Variants in MTUS2 observed in about 807,000 individuals in gnomAD.
The protein encoded by MTUS2 is microtubule associated scaffold protein 2, also known as microtubule-associated tumor suppressor candidate 2.
Under a neutral mutation model 114.1 loss-of-function variants are expected in MTUS2, and 40 were observed. The ratio of observed to expected loss-of-function variants is 0.35; its 90% CI spans 0.27 to 0.46. The LOEUF is 0.46. Ranked by LOEUF, MTUS2 falls within the 20% of genes least tolerant of loss-of-function variation. The pLI is 1.00. For missense variants in MTUS2, 1,679 were observed against 1,705.4 expected, an observed-to-expected ratio of 0.98 and a Z score of 0.27; for synonymous variants, 688 against 672.0, an observed-to-expected ratio of 1.02 and a Z score of -0.37.
intron 5 of MTUS2, among the ~76,000 whole-genome samples, chr13:29,250,836 A>G (rs752973073): frequency 1.3e-5 from 2 of 152,186 alleles, no homozygotes; most frequent in Non-Finnish European, 2.9e-5. Flanking sequence ...GTAAATTTCA[A>G]TTTAACACCA....
chr13:28,865,129 G>A (rs754227762), intron 2 of MTUS2, among the ~76,000 whole-genome samples: 6 of 151,470 alleles, frequency 4.0e-5, no homozygotes, highest in Non-Finnish European at 8.9e-5. Flanking sequence ...ATACACACAC[G>A]TGTGTGTGTC....
intron 5 of MTUS2, among the ~76,000 whole-genome samples, chr13:29,124,804 A>C (rs543073620): frequency 5.3e-5 from 8 of 152,236 alleles, no homozygotes; most frequent in African/African-American, 1.9e-4. Context: ...CCTTGAGTAC[A>C]TTGTGCTGAG....
At chr13:29,054,499 A>T (rs186075146) in intron 4 of MTUS2, among the ~76,000 whole-genome samples, 3 of 152,136 alleles carry the variant, frequency 2.0e-5, no homozygotes, top group Non-Finnish European at 2.9e-5. Flanking sequence ...AAATTAGAAT[A>T]GCAGTTGCCA....
At chr13:28,857,300 G>A (rs1414865814) in intron 2 of MTUS2, among the ~76,000 whole-genome samples, 2 of 152,124 alleles carry the variant, frequency 1.3e-5, no homozygotes, top group East Asian at 1.9e-4. Context: ...CTAGTGATTC[G>A]TCTTTTTAAA....
intron 6 of MTUS2, among the ~76,000 whole-genome samples, chr13:29,313,007 A>G (rs1282151429): frequency 6.6e-6 from 1 of 152,228 alleles, no homozygotes; most frequent in Non-Finnish European, 1.5e-5. Flanking sequence ...AGTAATAATA[A>G]CCAACTCATT....
intron 8 of MTUS2, among the ~76,000 whole-genome samples, chr13:29,402,419 G>A (rs775494056): frequency 2.0e-5 from 3 of 152,144 alleles, no homozygotes; most frequent in East Asian, 1.9e-4. Flanking sequence ...AGCAGTAAGC[G>A]AAAGCCAAGA....
chr13:29,027,995 G>C (rs928590636), intron 3 of MTUS2, among the ~76,000 whole-genome samples: 2 of 152,160 alleles, frequency 1.3e-5, no homozygotes, highest in African/African-American at 2.4e-5. Flanking sequence ...GTCATCCTTC[G>C]AGACCTCAGA....
chr13:28,927,553 G>A (rs137892964), intron 2 of MTUS2, among the ~76,000 whole-genome samples: 378 of 152,286 alleles, frequency 2.5e-3, no homozygotes, highest in African/African-American at 8.9e-3. Flanking sequence ...GTGACAAAAT[G>A]AGACCTTGTC....
In MTUS2 at chr13:28,834,388, A is replaced by G. The variant is rs139689060; in HGVS notation, c.-315-5390A>G. Among the ~76,000 whole-genome samples, 684 of 152,292 alleles carry G rather than the reference A, an allele frequency of 4.5e-3. 6 individuals carry two copies. The highest frequency in any genetic ancestry group is 0.016 in the African/African-American group (655 of 41,568). ...CCAGAAGCAAACCCTTGCATTTTTTATTAATTGGTTTTCAAAAGAGTGACA... is the reference window on the plus strand; with the variant it reads ...CCAGAAGCAAACCCTTGCATTTTTTGTTAATTGGTTTTCAAAAGAGTGACA... On this transcript the variant is annotated intron_variant, in intron 1 of 15. Transcript: ENST00000612955.
At chr13:29,447,198 G>T (rs140436335) in intron 9 of MTUS2, among the ~76,000 whole-genome samples, 1 of 152,226 alleles carries the variant, frequency 6.6e-6, no homozygotes, top group Non-Finnish European at 1.5e-5. Context: ...TTTCCTTGGA[G>T]ACAGGGCACT....
chr13:29,329,212 A>G (rs7988714), intron 7 of MTUS2, among the ~76,000 whole-genome samples: 11,587 of 152,190 alleles, frequency 0.076, 1,400 homozygotes, highest in African/African-American at 0.26. Flanking sequence ...TACACGTGCC[A>G]TGGTGGTTTG....
intron 7 of MTUS2, among the ~76,000 whole-genome samples, chr13:29,335,195 A>G (rs1034315210): frequency 6.6e-6 from 1 of 152,166 alleles, no homozygotes; most frequent in African/African-American, 2.4e-5. Flanking sequence ...CCCTAAGGAG[A>G]GATCTCTAAA....
At chr13:29,143,424 C>G (rs1892307946) in intron 5 of MTUS2, among the ~76,000 whole-genome samples, 1 of 152,048 alleles carries the variant, frequency 6.6e-6, no homozygotes, top group Admixed American at 6.6e-5. Context: ...AACCTTGCTC[C>G]AAAAGCATTT....
intron 4 of MTUS2, among the ~76,000 whole-genome samples, chr13:29,087,681 T>A (rs768351887): frequency 2.9e-4 from 44 of 152,308 alleles, no homozygotes; most frequent in Non-Finnish European, 4.9e-4. Context: ...TGAAATGAGT[T>A]AGGAAGGAGT....
intron 2 of MTUS2, among the ~76,000 whole-genome samples, chr13:28,857,882 T>A (rs1236150953): frequency 6.6e-6 from 1 of 152,200 alleles, no homozygotes; most frequent in Non-Finnish European, 1.5e-5. Context: ...GAGATCCTTT[T>A]GAGTCTCTGC....
intron 8 of MTUS2, among the ~76,000 whole-genome samples, chr13:29,413,280 G>A (rs907441920): frequency 6.6e-5 from 10 of 152,078 alleles, no homozygotes; most frequent in Non-Finnish European, 1.3e-4. Context: ...TAGAACACTG[G>A]AACTATCTCA....
intron 5 of MTUS2, among the ~76,000 whole-genome samples, chr13:29,165,225 A>T (rs1326163039): frequency 6.6e-6 from 1 of 152,080 alleles, no homozygotes; most frequent in South Asian, 2.1e-4. Flanking sequence ...TGCATATTCT[A>T]TTCTCACCCC....
intron 5 of MTUS2, among the ~76,000 whole-genome samples, chr13:29,203,960 C>CTT (rs35269061): frequency 8.3e-5 from 12 of 145,244 alleles, no homozygotes; most frequent in African/African-American, 2.3e-4. Flanking sequence ...GAAGCTGTTA[C>CTT]TTTTTTTTTT....
At position 28,903,441 on chromosome 13, in the gene MTUS2, G is replaced by T. The variant is rs1243524876; in HGVS notation, c.-243+63591G>T. Among the ~76,000 whole-genome samples, 22 of 125,114 alleles carry T rather than the reference G, an allele frequency of 1.8e-4. No individual in the cohort carries two copies. In the South Asian group the frequency reaches 5.9e-3, roughly 34 times the overall value. The allele number at this position is 125,114 out of a possible 152,430, so 82.1% of individuals were successfully genotyped here. A position where few individuals can be genotyped will look rare whatever the true frequency, so the allele number is the denominator to read the frequency against. ...CCCCCACCCCACAACAGGCCCTGGT[G>T]TGTGATGTTCCCCTTCCTGTGTCCA... On this transcript the variant is annotated intron_variant, in intron 2 of 15. Coordinates refer to ENST00000612955, the MANE Select transcript of MTUS2 (RefSeq NM_001033602.4).
Sources: gnomAD v4.1 joint callset for allele counts (sites outside exome capture counted in the v4.1 genomes callset) on GRCh38, gnomAD v4.1.1 for gene constraint, MANE v1.5 for transcripts, NCBI Gene and HGNC (gene_info 2026-07-23, HGNC 2026-07-21) for gene names.